Variants in ANKRD46 observed in about 807,000 individuals in gnomAD.
The protein encoded by ANKRD46 is ankyrin repeat domain 46, also known as ankyrin repeat domain-containing protein 46.
Under a neutral mutation model 19.8 loss-of-function variants are expected in ANKRD46, and 13 were observed. The observed-to-expected ratio is 0.66, with a 90% CI of 0.43 to 1.04. ANKRD46 has a LOEUF of 1.04. Ranked by LOEUF, ANKRD46 falls within the 50% of genes least tolerant of loss-of-function variation. The pLI is 0.00. For missense variants in ANKRD46, 185 were observed against 274.8 expected (o/e 0.67, Z 2.31); for synonymous variants, 91 against 106.9 (o/e 0.85, Z 0.92).
intron 1 of ANKRD46, among the ~76,000 whole-genome samples, chr8:100,542,524 CTT>C (rs779377712): frequency 1.3e-5 from 2 of 151,996 alleles, no homozygotes. Flanking sequence ...AATAAATAGT[CTT>C]ATATCTAAGG....
chr8:100,556,024 T>A (rs748019594), intron 1 of ANKRD46, among the ~76,000 whole-genome samples: 2 of 152,176 alleles, frequency 1.3e-5, no homozygotes, highest in African/African-American at 2.4e-5. Context: ...AACTCATGCC[T>A]TAAGATAAAA....
At chr8:100,528,815 G>A (rs1168060486) in intron 3 of ANKRD46, among the ~76,000 whole-genome samples, 2 of 152,076 alleles carry the variant, frequency 1.3e-5, no homozygotes, top group African/African-American at 4.8e-5. Context: ...GGGGCATTAT[G>A]GCATCAATAA....
At position 100,520,994 on chromosome 8, in the gene ANKRD46, C is replaced by G; in HGVS notation, c.*1561G>C. ...CTTCAAATTTGAATTGTAGTGTTCT[C>G]CATTCCAAAGCCAGCTGTTTTTTGC... On this transcript the variant is annotated 3_prime_UTR_variant, in exon 5 of 5. Coordinates refer to ENST00000335659, the MANE Select transcript of ANKRD46 (RefSeq NM_001270377.2). 2 of 985,182 alleles carry G rather than the reference C, an allele frequency of 2.0e-6. No homozygotes were observed. The highest frequency in any genetic ancestry group is 9.4e-5 in the South Asian group (2 of 21,276). 61.0% of individuals were successfully genotyped at this position (985,182 alleles called of 1,614,324 possible).
In ANKRD46 at chr8:100,546,880, GA is replaced by G. The variant is rs1367754540; in HGVS notation, c.-131+12830del. ...GAGATTTTGGAGTTTAAGATTCAAT[GA>G]CTGCCTGGCTGGGTTTCAGACTTGC... On this transcript the variant is annotated intron_variant, in intron 1 of 4. Transcript: ENST00000335659. The surrounding 1 kb of genome is among the most constrained non-coding windows in gnomAD (Gnocchi z 4.0). Among the ~76,000 whole-genome samples, 2 of 152,240 alleles carry G rather than the reference GA, an allele frequency of 1.3e-5. No homozygotes were observed. Among genetic ancestry groups the G allele is most frequent in the Non-Finnish European group, 2.9e-5 (2 of 68,038 alleles).
intron 1 of ANKRD46, among the ~76,000 whole-genome samples, chr8:100,538,314 A>C (rs542812917): frequency 6.6e-6 from 1 of 152,210 alleles, no homozygotes; most frequent in African/African-American, 2.4e-5. Flanking sequence ...TGAATCAAAA[A>C]TATTTGGGGA....
At position 100,528,005 on chromosome 8, in the gene ANKRD46, T is replaced by TAAAAA. The variant is rs746946951; in HGVS notation, c.312-7_312-3dup. On this transcript the variant is annotated splice_region_variant and splice_polypyrimidine_tract_variant and intron_variant, in intron 3 of 4. Transcript: ENST00000335659. ...AAAGGGGTAGCACCTTGATGATTGC[T>TAAAAA]AAAAAAAAAAAAAAAAAAAAAAGTT... The TAAAAA allele has an allele frequency of 1.6e-5, 19 of 1,165,678 alleles. No homozygotes were observed. The highest frequency in any genetic ancestry group is 8.8e-5 in the South Asian group (3 of 33,950). 72.2% of individuals were successfully genotyped at this position (1,165,678 alleles called of 1,614,324 possible).
intron 1 of ANKRD46, among the ~76,000 whole-genome samples, chr8:100,535,268 C>T (rs2130670277): frequency 6.6e-6 from 1 of 152,276 alleles, no homozygotes; most frequent in African/African-American, 2.4e-5. Flanking sequence ...AAAGTGAATA[C>T]AAATCAGAGC....
chr8:100,522,504 A>T lies in ANKRD46; in HGVS notation c.*51T>A. The T allele has an allele frequency of 6.2e-7, 1 of 1,600,642 alleles. No individual in the cohort carries two copies. Among genetic ancestry groups the T allele is most frequent in the Non-Finnish European group, 8.5e-7 (1 of 1,172,374 alleles). On this transcript the variant is annotated 3_prime_UTR_variant, in exon 5 of 5. Transcript: ENST00000335659. ...AAATTCTGAGAAACTGAGAACAAAC[A>T]TTGGAAGCCAGGAAACAGGCAATTA... is the stretch of plus-strand genomic sequence containing the variant.
At position 100,546,237 on chromosome 8, in the gene ANKRD46, A is replaced by G. The variant is rs1812270751; in HGVS notation, c.-130-12926T>C. Among the ~76,000 whole-genome samples, 1 of 152,242 alleles carries G rather than the reference A, an allele frequency of 6.6e-6. No individual in the cohort carries two copies. The highest frequency in any genetic ancestry group is 2.4e-5 in the African/African-American group (1 of 41,468). On this transcript the variant is annotated intron_variant, in intron 1 of 4. Transcript: ENST00000335659. The surrounding 1 kb of genome is among the most constrained non-coding windows in gnomAD (Gnocchi z 4.0). ...TCCCCAAGGCATGTCAGAGATCTTC[A>G]TGGCAGCCCCTCCCATCACAGGCCA...
chr8:100,510,182 A>G lies in ANKRD46; in HGVS notation c.*395T>C. ...TTCACAACTGAAATTGGATCCCCAC[A>G]GTCCATGGAGACAAACAAAACAGCA... is the stretch of plus-strand genomic sequence containing the variant. On this transcript the variant is annotated 3_prime_UTR_variant, in exon 6 of 6. Coordinates refer to the ANKRD46 transcript ENST00000520552. The surrounding 1 kb of genome is among the most constrained non-coding windows in gnomAD (Gnocchi z 4.9). 5.5e-6 allele frequency: 1 copy of G among 183,454 alleles called. No individual in the cohort carries two copies. The highest frequency in any genetic ancestry group is 1.1e-5 in the Non-Finnish European group (1 of 89,046). 11.4% of individuals were successfully genotyped at this position (183,454 alleles called of 1,614,324 possible). A position where few individuals can be genotyped will look rare whatever the true frequency, so the allele number is the denominator to read the frequency against.
At position 100,545,169 on chromosome 8, in the gene ANKRD46, A is replaced by G. The variant is rs576105479; in HGVS notation, c.-130-11858T>C. Among the ~76,000 whole-genome samples the G allele has an allele frequency of 6.6e-6, 1 of 152,116 alleles. No individual in the cohort carries two copies. Reference sequence around the variant, plus strand: ...GTGAGACCTTGTCTCTAAAATATACATATATAAAAGTTAGGTGTGGTGACG... The same window carrying G: ...GTGAGACCTTGTCTCTAAAATATACGTATATAAAAGTTAGGTGTGGTGACG... On this transcript the variant is annotated intron_variant, in intron 1 of 4. Coordinates refer to ENST00000335659, the MANE Select transcript of ANKRD46 (RefSeq NM_001270377.2). This position sits in a 1 kb window ranked among gnomAD's most constrained non-coding sequence, Gnocchi z 4.7.
At chr8:100,553,705 C>T (rs1047695807) in intron 1 of ANKRD46, among the ~76,000 whole-genome samples, 6 of 152,132 alleles carry the variant, frequency 3.9e-5, no homozygotes, top group South Asian at 2.1e-4. Flanking sequence ...GCTGAGGTTG[C>T]ACCACTGCAC....
At chr8:100,548,526 C>T (rs1266544345) in intron 1 of ANKRD46, among the ~76,000 whole-genome samples, 1 of 152,210 alleles carries the variant, frequency 6.6e-6, no homozygotes, top group Non-Finnish European at 1.5e-5. Context: ...ATGTATTGTA[C>T]ATCTCCTCAG....
intron 1 of ANKRD46, chr8:100,551,220 G>A: frequency 2.2e-6 from 1 of 459,608 alleles, no homozygotes; most frequent in Non-Finnish European, 4.1e-6. Context: ...TGCCAAAGTT[G>A]TCATGGATGG....
At chr8:100,542,411 C>T (rs775876070) in intron 1 of ANKRD46, among the ~76,000 whole-genome samples, 3 of 151,984 alleles carry the variant, frequency 2.0e-5, no homozygotes, top group East Asian at 1.9e-4. Context: ...AGACATGAAA[C>T]GACTGAGAAA....
downstream of ANKRD46, among the ~76,000 whole-genome samples, chr8:100,519,087 C>T (rs1165506888): frequency 2.6e-5 from 4 of 152,104 alleles, no homozygotes; most frequent in Non-Finnish European, 5.9e-5. Flanking sequence ...CCACTGATTG[C>T]CAGGAGTGGC....
At chr8:100,553,230 CCA>C (rs1437847662) in intron 1 of ANKRD46, among the ~76,000 whole-genome samples, 1 of 152,168 alleles carries the variant, frequency 6.6e-6, no homozygotes, top group Non-Finnish European at 1.5e-5. Context: ...TATAAGCAAT[CCA>C]CAGTTTTTGT....
rs1428414305 is a variant in ANKRD46, at chr8:100,521,596, T to C, written c.*959A>G. Reference sequence around the variant, plus strand: ...GCCATCAGAGAATTACAGATATGGATGGGATTGTTAAAAGTCTAACAGGGC... The same window carrying C: ...GCCATCAGAGAATTACAGATATGGACGGGATTGTTAAAAGTCTAACAGGGC... On this transcript the variant is annotated 3_prime_UTR_variant, in exon 5 of 5. Transcript: ENST00000335659. The C allele has an allele frequency of 1.0e-6, 1 of 985,318 alleles. No homozygotes were observed. Among genetic ancestry groups the C allele is most frequent in the Non-Finnish European group, 1.2e-6 (1 of 829,940 alleles). 61.0% of individuals were successfully genotyped at this position (985,318 alleles called of 1,614,324 possible).
intron 1 of ANKRD46, among the ~76,000 whole-genome samples, chr8:100,555,141 G>C (rs1812467570): frequency 6.6e-6 from 1 of 151,370 alleles, no homozygotes; most frequent in Admixed American, 6.6e-5. Flanking sequence ...AGAATGCCTA[G>C]ACAAAACCCA....
Sources: gnomAD v4.1 joint callset for allele counts (sites outside exome capture counted in the v4.1 genomes callset) on GRCh38, gnomAD v4.1.1 for gene constraint, Gnocchi (gnomAD v3.1) non-coding constraint, MANE v1.5 for transcripts, NCBI Gene and HGNC (gene_info 2026-07-23, HGNC 2026-07-21) for gene names.